The following NEBL variants were observed in gnomAD, a reference collection of about 807,000 sequenced individuals.
The protein encoded by NEBL is nebulette, also known as LIM and SH3 protein 2.
NEBL carries 122 observed loss-of-function variants against 140.2 expected under a neutral mutation model. The ratio of observed to expected loss-of-function variants is 0.87; its 90% confidence interval spans 0.75 to 1.01. NEBL has a LOEUF of 1.01. Among genes scored for constraint, NEBL ranks in the 50% least tolerant of loss-of-function variants. The pLI, the probability that NEBL is intolerant of heterozygous loss-of-function variation, is 0.00. For synonymous variants in NEBL, 436 were observed against 398.9 expected, an observed-to-expected ratio of 1.09 and a Z score of -1.11; for missense variants, 1,365 against 1,231.3, an observed-to-expected ratio of 1.11 and a Z score of -1.62.
At chr10:20,839,267 T>C (rs372025171) in intron 13 of NEBL, among the ~76,000 whole-genome samples, 3 of 152,314 alleles carry the variant, frequency 2.0e-5, no homozygotes, top group African/African-American at 4.8e-5. Flanking sequence ...CTTTTACACA[T>C]GCTACTGACA....
At chr10:21,229,434 G>A (rs1336186491) in intron 3 of NEBL, among the ~76,000 whole-genome samples, 1 of 151,940 alleles carries the variant, frequency 6.6e-6, no homozygotes, top group African/African-American at 2.4e-5. Flanking sequence ...AAAAAGTGGG[G>A]GAGGGAAATA....
chr10:20,948,734 G>A (rs1479298203), intron 4 of NEBL, among the ~76,000 whole-genome samples: 1 of 152,178 alleles, frequency 6.6e-6, no homozygotes, highest in African/African-American at 2.4e-5. Context: ...ACAACCTGCA[G>A]GATTCTTAAT....
intron 4 of NEBL, among the ~76,000 whole-genome samples, chr10:20,887,223 ATGAGTTTACC>A (rs141882833): frequency 0.22 from 34,028 of 151,866 alleles, 4,136 homozygotes; most frequent in East Asian, 0.41. Flanking sequence ...TGGATTCAAA[ATGAGTTTACC>A]TGATGACAAT....
At chr10:21,064,104 A>G (rs555009358) in intron 2 of NEBL, among the ~76,000 whole-genome samples, 1 of 152,098 alleles carries the variant, frequency 6.6e-6, no homozygotes, top group African/African-American at 2.4e-5. Context: ...GCTTCTTTTT[A>G]CTCAGGGGTT....
chr10:21,069,140 T>C (rs1005364494), intron 2 of NEBL, among the ~76,000 whole-genome samples: 1 of 152,088 alleles, frequency 6.6e-6, no homozygotes, highest in Non-Finnish European at 1.5e-5. Flanking sequence ...CCTCCTGCCT[T>C]ATCCTCCCAA....
At chr10:21,179,866 G>A (rs11012561), upstream of NEBL, among the ~76,000 whole-genome samples, 27,747 of 152,002 alleles carry the variant, frequency 0.18, 2,693 homozygotes, top group East Asian at 0.36. Context: ...GGCTGGGAGG[G>A]ATGGCTCACA....
chr10:20,954,025 G>GAA (rs200642113), intron 4 of NEBL, among the ~76,000 whole-genome samples: 6 of 125,722 alleles, frequency 4.8e-5, no homozygotes, highest in African/African-American at 9.3e-5. Flanking sequence ...TCTTCTTAAG[G>GAA]AAAAAAAAAA....
chr10:21,150,773 A>G (rs1162448966), intron 2 of NEBL, among the ~76,000 whole-genome samples: 3 of 152,184 alleles, frequency 2.0e-5, no homozygotes, highest in Non-Finnish European at 4.4e-5. Flanking sequence ...GGCATTTATT[A>G]TGAGCTCACA....
intron 3 of NEBL, among the ~76,000 whole-genome samples, chr10:21,207,175 T>C (rs765435426): frequency 1.5e-4 from 23 of 152,172 alleles, no homozygotes; most frequent in South Asian, 6.2e-4. Context: ...GGTTTCACCA[T>C]GTTGGCCATG....
chr10:20,813,580 A>T (rs1838389211), intron 23 of NEBL, among the ~76,000 whole-genome samples: 2 of 152,198 alleles, frequency 1.3e-5, no homozygotes, highest in Admixed American at 1.3e-4. Context: ...ACACATTTTT[A>T]AAAACACAGC....
chr10:20,869,451 C>A (rs1844685258), intron 6 of NEBL, among the ~76,000 whole-genome samples: 2 of 152,210 alleles, frequency 1.3e-5, no homozygotes, highest in East Asian at 1.9e-4. Context: ...TGACTGATAA[C>A]CCTGACTTTC....
intron 2 of NEBL, among the ~76,000 whole-genome samples, chr10:21,101,428 C>G (rs537238723): frequency 6.6e-6 from 1 of 152,290 alleles, no homozygotes; most frequent in East Asian, 1.9e-4. Flanking sequence ...AGTTTTCACT[C>G]CTCCTTCTGC....
At chr10:20,912,319 T>C (rs1009680782) in intron 4 of NEBL, among the ~76,000 whole-genome samples, 6 of 152,116 alleles carry the variant, frequency 3.9e-5, no homozygotes, top group South Asian at 2.1e-4. Context: ...GGTGTGGTGG[T>C]GTGTGCCTGT....
rs1046589298 is a variant in NEBL at position 20,852,594 on chromosome 10, T to C, written c.959A>G (p.Asp320Gly). Residue 320 changes from aspartate (D) to glycine (G), a missense_variant, in exon 10 of 28, where the codon GAT becomes GGT. Asp to Gly is a moderately conservative substitution (Grantham distance 94). Around this residue, in one of 2 missense-constraint regions of NEBL, gnomAD observed 1,323 missense variants for 1,154.8 expected, o/e 1.15. Transcript: ENST00000377122. ...ENKGMYHFDA[D>G]AVEHLHHKGN... ...TTTATGGTGCAGATGTTCCACAGCA[T>C]CTGCATCAAAATGATACATTCCTTT... is the stretch of plus-strand genomic sequence containing the variant. 5 of 1,613,890 alleles carry C rather than the reference T, an allele frequency of 3.1e-6. No individual in the cohort carries two copies. The highest frequency in any genetic ancestry group is 2.5e-6 in the Non-Finnish European group (3 of 1,179,998).
chr10:20,901,284 G>A (rs908953958), upstream of NEBL, among the ~76,000 whole-genome samples: 2 of 152,082 alleles, frequency 1.3e-5, no homozygotes, highest in African/African-American at 2.4e-5. Flanking sequence ...GTAAGCAAAT[G>A]TATTTCCTTA....
At chr10:21,265,876 G>C (rs1222729058) in intron 1 of NEBL, among the ~76,000 whole-genome samples, 3 of 152,150 alleles carry the variant, frequency 2.0e-5, no homozygotes, top group Non-Finnish European at 4.4e-5. Flanking sequence ...ATGGGTGGTG[G>C]CTGGATTTGG....
intron 4 of NEBL, among the ~76,000 whole-genome samples, chr10:20,881,186 T>C (rs1845981633): frequency 6.6e-6 from 1 of 152,178 alleles, no homozygotes; most frequent in Non-Finnish European, 1.5e-5. Flanking sequence ...TTTTGGGAAA[T>C]CATCCATATC....
intron 2 of NEBL, among the ~76,000 whole-genome samples, chr10:21,141,328 A>C (rs925779874): frequency 6.6e-6 from 1 of 152,214 alleles, no homozygotes; most frequent in South Asian, 2.1e-4. Flanking sequence ...CGTTTTTAGG[A>C]AATACACAGT....
At chr10:21,047,331 C>T (rs1318396831) in intron 2 of NEBL, among the ~76,000 whole-genome samples, 1 of 152,124 alleles carries the variant, frequency 6.6e-6, no homozygotes, top group African/African-American at 2.4e-5. Flanking sequence ...CACATCCTTC[C>T]TGGGAGCTCT....
Sources: allele counts gnomAD v4.1 joint callset (sites outside exome capture counted in the v4.1 genomes callset), GRCh38; gene constraint gnomAD v4.1.1; regional missense constraint gnomAD v4.1.1; transcripts MANE v1.5; gene names NCBI Gene and HGNC (gene_info 2026-07-23, HGNC 2026-07-21).